Variants in LOC400499 observed in about 807,000 individuals in gnomAD.
At chr16:11,525,027 G>A in the LOC400499 span, among the ~76,000 whole-genome samples, 1 of 152,200 alleles carries the variant, frequency 6.6e-6, no homozygotes, top group East Asian at 1.9e-4. Flanking sequence ...GCTCATGCCT[G>A]TAATCCCAGT....
chr16:11,461,165 AC>A, the LOC400499 span: 2 of 1,491,426 alleles, frequency 1.3e-6, no homozygotes, highest in Non-Finnish European at 1.8e-6. Context: ...GCCCCCAGGG[AC>A]CAGCACCCCC....
the LOC400499 span, chr16:11,393,292 C>G: frequency 9.8e-7 from 1 of 1,023,570 alleles, no homozygotes; most frequent in Non-Finnish European, 1.3e-6. Context: ...CTGCACCCAG[C>G]CCCGACTTCT....
At chr16:11,380,120 C>T in the LOC400499 span, among the ~76,000 whole-genome samples, 2 of 152,068 alleles carry the variant, frequency 1.3e-5, no homozygotes, top group Non-Finnish European at 2.9e-5. Context: ...CTTTTTTTCA[C>T]AAATTATATG....
chr16:11,427,629 A>C, the LOC400499 span, among the ~76,000 whole-genome samples: 1 of 151,768 alleles, frequency 6.6e-6, no homozygotes, highest in Non-Finnish European at 1.5e-5. Flanking sequence ...AAATTTTTGT[A>C]GCGACAGAGT....
At chr16:11,425,854 T>C in the LOC400499 span, among the ~76,000 whole-genome samples, 1 of 152,124 alleles carries the variant, frequency 6.6e-6, no homozygotes, top group African/African-American at 2.4e-5. Context: ...GTTTATGAAA[T>C]TGGCATAAAC....
chr16:11,516,987 C>T, the LOC400499 span, among the ~76,000 whole-genome samples: 1 of 152,184 alleles, frequency 6.6e-6, no homozygotes, highest in Non-Finnish European at 1.5e-5. Flanking sequence ...TGTTGAGAAA[C>T]AGCAAATACG....
At chr16:11,507,916 A>T in the LOC400499 span, among the ~76,000 whole-genome samples, 1 of 152,176 alleles carries the variant, frequency 6.6e-6, no homozygotes, top group African/African-American at 2.4e-5. Flanking sequence ...CCTGGGCAAC[A>T]GAATGAGACC....
chr16:11,385,336 T>G, the LOC400499 span: 5 of 1,232,288 alleles, frequency 4.1e-6, no homozygotes, highest in Non-Finnish European at 5.1e-6. Context: ...GCCAGGAGGA[T>G]GCTGCCGCAC....
the LOC400499 span, among the ~76,000 whole-genome samples, chr16:11,447,479 C>T: frequency 8.5e-4 from 130 of 152,256 alleles, no homozygotes; most frequent in African/African-American, 2.8e-3. Context: ...GATAAAAACA[C>T]GAACGAACAC....
chr16:11,454,797 T>C, the LOC400499 span, among the ~76,000 whole-genome samples: 2 of 152,168 alleles, frequency 1.3e-5, no homozygotes, highest in Non-Finnish European at 2.9e-5. Context: ...AAAGATGTAC[T>C]CCATCAGAAC....
chr16:11,523,985 T>C, the LOC400499 span, among the ~76,000 whole-genome samples: 2 of 99,040 alleles, frequency 2.0e-5, no homozygotes, highest in Admixed American at 1.1e-4. Context: ...TATCCATCTA[T>C]CTGCCCACTC....
chr16:11,474,585 T>C, the LOC400499 span, among the ~76,000 whole-genome samples: 1 of 151,978 alleles, frequency 6.6e-6, no homozygotes, highest in African/African-American at 2.4e-5. Flanking sequence ...TAAAGCCGGG[T>C]GCAGCGGCTC....
the LOC400499 span, chr16:11,462,134 T>C: frequency 6.6e-7 from 1 of 1,513,694 alleles, no homozygotes; most frequent in African/African-American, 1.4e-5. Flanking sequence ...GTTGGCCTGG[T>C]CACTCAGCAG....
At chr16:11,508,343 G>A in the LOC400499 span, among the ~76,000 whole-genome samples, 3 of 152,244 alleles carry the variant, frequency 2.0e-5, no homozygotes, top group Admixed American at 1.3e-4. Flanking sequence ...AGTTTCGGAG[G>A]AGGCCTGGGC....
chr16:11,508,700 T>C, the LOC400499 span: 2 of 399,094 alleles, frequency 5.0e-6, no homozygotes, highest in Non-Finnish European at 8.8e-6. Context: ...GGCCTGGGGC[T>C]GGAGAAGCCA....
the LOC400499 span, among the ~76,000 whole-genome samples, chr16:11,495,264 G>A: frequency 4.0e-5 from 6 of 151,492 alleles, no homozygotes; most frequent in South Asian, 2.1e-4. Context: ...TGTGGCCCAC[G>A]ACTCAGACGC....
the LOC400499 span, among the ~76,000 whole-genome samples, chr16:11,402,809 C>T: frequency 3.3e-5 from 5 of 152,122 alleles, no homozygotes; most frequent in Non-Finnish European, 5.9e-5. Context: ...CGCTGAGTTT[C>T]GGAATACTTT....
chr16:11,403,019 T>C, the LOC400499 span, among the ~76,000 whole-genome samples: 65,834 of 151,718 alleles, frequency 0.43, 15,184 homozygotes, highest in Admixed American at 0.61. Flanking sequence ...CAACAACAGA[T>C]GGCCTCCACA....
chr16:11,389,516 T>C, the LOC400499 span, among the ~76,000 whole-genome samples: 1 of 151,858 alleles, frequency 6.6e-6, no homozygotes, highest in African/African-American at 2.4e-5. Flanking sequence ...ACCCTGTCTC[T>C]ACTAAAAATA....
Sources: allele counts gnomAD v4.1 joint callset (sites outside exome capture counted in the v4.1 genomes callset), GRCh38; gene constraint gnomAD v4.1.1; transcripts MANE v1.5.